Variants in RABEP1 observed in about 807,000 individuals in gnomAD.
RABEP1 encodes rabaptin, RAB GTPase binding effector protein 1.
A neutral mutation model predicts 123.4 loss-of-function variants in RABEP1; 51 were observed. The observed-to-expected ratio is 0.41, with a 90% confidence interval of 0.33 to 0.52. RABEP1 has a LOEUF of 0.52. Ranked by LOEUF, RABEP1 falls within the 20% of genes least tolerant of loss-of-function variation. RABEP1 has a pLI of 0.16. For synonymous variants in RABEP1, 347 were observed against 355.2 expected (o/e 0.98, Z 0.26); for missense variants, 888 against 996.3 (o/e 0.89, Z 1.46).
chr17:5,286,728 A>G (rs184157435), intron 1 of RABEP1, among the ~76,000 whole-genome samples: 34 of 152,352 alleles, frequency 2.2e-4, no homozygotes, highest in Admixed American at 2.2e-3. Flanking sequence ...CATTTGGAAT[A>G]CATCAGTAGG....
intron 7 of RABEP1, among the ~76,000 whole-genome samples, chr17:5,352,726 G>A (rs113398092): frequency 1.3e-5 from 2 of 151,976 alleles, no homozygotes; most frequent in African/African-American, 4.8e-5. Context: ...AGCTACTTGG[G>A]AAGCTGAGGC....
chr17:5,368,465 G>T lies in RABEP1; in HGVS notation c.1881G>T (p.Gln627His), dbSNP rs1181861356. Residue 627 changes from glutamine (Q) to histidine (H), a missense_variant, in exon 12 of 18, where the codon CAG (glutamine) becomes CAT (histidine). Gln to His is a conservative substitution (Grantham distance 24, BLOSUM62 0). Coordinates refer to ENST00000537505, the MANE Select transcript of RABEP1 (RefSeq NM_004703.6). ...LSQAKRDVQE[Q>H]MAVLMQSREQ... ...AGGCAAAGAGGGATGTTCAGGAACA[G>T]ATGGTAAGTTTACATTTTAAGTAAA... is the stretch of plus-strand genomic sequence containing the variant. 13 of 1,608,568 alleles carry T rather than the reference G, an allele frequency of 8.1e-6. No individual in the cohort carries two copies. Among genetic ancestry groups the T allele is most frequent in the Non-Finnish European group, 1.1e-5 (13 of 1,175,406 alleles).
chr17:5,367,117 A>G (rs1910068897), intron 11 of RABEP1, among the ~76,000 whole-genome samples: 1 of 151,734 alleles, frequency 6.6e-6, no homozygotes, highest in Non-Finnish European at 1.5e-5. Context: ...AAATTTATTA[A>G]TTATTTCTTT....
At chr17:5,290,574 A>C (rs1421901812) in intron 1 of RABEP1, among the ~76,000 whole-genome samples, 1 of 152,088 alleles carries the variant, frequency 6.6e-6, no homozygotes, top group Admixed American at 6.6e-5. Context: ...CATTAAGTGC[A>C]TGTTAATTTA....
Position 5,361,650 on chromosome 17 carries a change from C to T in RABEP1, c.1538C>T (p.Thr513Ile), listed in dbSNP as rs1360184449. The change falls in exon 9 of 18, where the codon ACA (threonine) becomes ATA (isoleucine). Residue 513 changes from threonine to isoleucine, a missense_variant. Physicochemically the swap from Thr to Ile is moderately conservative, Grantham distance 89. Transcript: ENST00000537505. ...AGTGGTTATCGTTTAGTTAGTGAAA[C>T]AGAATGGAATCTCTTGCAGAAAGAG... is the stretch of plus-strand genomic sequence containing the variant. ...SPSGYRLVSE[T>I]EWNLLQKEVH... 6.2e-7 allele frequency: 1 copy of T among 1,608,674 alleles called. No homozygotes were observed. The highest frequency in any genetic ancestry group is 1.7e-5 in the Admixed American group (1 of 58,738).
At chr17:5,307,084 C>A (rs529896548) in intron 1 of RABEP1, among the ~76,000 whole-genome samples, 1 of 152,068 alleles carries the variant, frequency 6.6e-6, no homozygotes, top group African/African-American at 2.4e-5. Context: ...TTTGGGAGGC[C>A]GAGGTGGGTG....
intron 2 of RABEP1, among the ~76,000 whole-genome samples, chr17:5,315,307 G>A (rs1374990169): frequency 6.6e-6 from 1 of 152,132 alleles, no homozygotes; most frequent in African/African-American, 2.4e-5. Context: ...CAGTAGAGAC[G>A]ATACAGAGGT....
intron 1 of RABEP1, among the ~76,000 whole-genome samples, chr17:5,288,569 A>G (rs1178848946): frequency 4.0e-5 from 6 of 150,896 alleles, no homozygotes; most frequent in African/African-American, 1.2e-4. Context: ...CTAATTTTAT[A>G]TTTTTAGTAG....
Position 5,368,576 on chromosome 17 carries a change from A to AC in RABEP1, c.1884+109dup. 5.4e-6 allele frequency: 4 copies of AC among 746,000 alleles called. No individual in the cohort carries two copies. In the Middle Eastern group the frequency reaches 1.3e-3, roughly 234 times the overall value. 46.2% of individuals were successfully genotyped at this position (746,000 alleles called of 1,614,324 possible). A position where few individuals can be genotyped will look rare whatever the true frequency, so the allele number is the denominator to read the frequency against. On this transcript the variant is annotated intron_variant, in intron 12 of 17. Transcript: ENST00000537505. ...ATTTATCATCCTGTCCAAAGTAGTT[A>AC]CTGTTGTCTTCTCCCGGGACTGTAG...
intron 4 of RABEP1, chr17:5,336,560 G>C (rs751843533): frequency 7.2e-6 from 3 of 419,436 alleles, no homozygotes; most frequent in South Asian, 3.8e-5. Flanking sequence ...CAGTTTCTCA[G>C]ATTTTTCTTG....
At chr17:5,323,819 A>AATATATATATATATATATCTAGGAAT (rs200561684) in intron 2 of RABEP1, among the ~76,000 whole-genome samples, 3 of 70,942 alleles carry the variant, frequency 4.2e-5, no homozygotes, top group African/African-American at 7.7e-5. Context: ...TATATCTAGG[A>AATATATATATATATATATCTAGGAAT]ATATATATAT....
intron 2 of RABEP1, among the ~76,000 whole-genome samples, chr17:5,326,619 C>T (rs2144583376): frequency 6.6e-6 from 1 of 152,160 alleles, no homozygotes; most frequent in East Asian, 1.9e-4. Context: ...TAAGAGTGAA[C>T]CCTAGTGTAA....
At chr17:5,286,364 C>T (rs374501826) in intron 1 of RABEP1, among the ~76,000 whole-genome samples, 9 of 151,950 alleles carry the variant, frequency 5.9e-5, no homozygotes, top group African/African-American at 1.9e-4. Flanking sequence ...TGTGGTGGTG[C>T]GCACCTGTAG....
chr17:5,295,174 G>A (rs1483569153), intron 1 of RABEP1, among the ~76,000 whole-genome samples: 1 of 151,534 alleles, frequency 6.6e-6, no homozygotes, highest in Non-Finnish European at 1.5e-5. Flanking sequence ...CTGAAGTCAG[G>A]GGTTCGAGAC....
chr17:5,363,147 A>G, intron 10 of RABEP1, 131 bp downstream of exon 10: 1 of 675,032 alleles, frequency 1.5e-6, no homozygotes, highest in Non-Finnish European at 2.6e-6. Flanking sequence ...GTTATGAAAT[A>G]ACCTGGTACA....
rs1908128263 is a variant in RABEP1, at chr17:5,347,126, G to A, written c.784+201G>A. On this transcript the variant is annotated intron_variant, in intron 6 of 17. Coordinates refer to ENST00000537505, the MANE Select transcript of RABEP1 (RefSeq NM_004703.6). ...GTGAGCTCAGTAATAACTTCACAAG[G>A]TGGCTGGGTACAGTGGCTCACTCCT... Among the ~76,000 whole-genome samples the A allele has an allele frequency of 1.3e-5, 2 of 151,984 alleles. 1 individual carries two copies. Among genetic ancestry groups the A allele is most frequent in the Admixed American group, 1.3e-4 (2 of 15,238 alleles).
At chr17:5,308,243 T>TG (rs397821266) in intron 1 of RABEP1, among the ~76,000 whole-genome samples, 1 of 151,294 alleles carries the variant, frequency 6.6e-6, no homozygotes, top group African/African-American at 2.4e-5. Flanking sequence ...TTTTTTTTTT[T>TG]GAGACAGAGT....
intron 1 of RABEP1, among the ~76,000 whole-genome samples, chr17:5,294,245 G>A (rs1042580830): frequency 6.6e-6 from 1 of 152,048 alleles, no homozygotes; most frequent in African/African-American, 2.4e-5. Flanking sequence ...TCAGCTGGGC[G>A]TGGTGACACG....
At chr17:5,308,668 T>G in intron 1 of RABEP1, 26 bp from the exon 2 acceptor site, 1 of 1,594,890 alleles carries the variant, frequency 6.3e-7, no homozygotes. Context: ...AGTTATTACT[T>G]GTTAACTAGT....
Sources: gnomAD v4.1 joint callset for allele counts (sites outside exome capture counted in the v4.1 genomes callset) on GRCh38, gnomAD v4.1.1 for gene constraint, MANE v1.5 for transcripts, NCBI Gene and HGNC (gene_info 2026-07-23, HGNC 2026-07-21) for gene names.